Variants in PCDHA7 observed in about 807,000 individuals in gnomAD.
PCDHA7 encodes protocadherin alpha-7.
A neutral mutation model predicts 57.2 loss-of-function variants in PCDHA7; 37 were observed. The observed-to-expected ratio is 0.65, with a 90% confidence interval of 0.50 to 0.85. The LOEUF (loss-of-function observed/expected upper bound fraction) is 0.85, where lower values mean the gene tolerates loss of function less well. Ranked by LOEUF, PCDHA7 falls within the 40% of genes least tolerant of loss-of-function variation. The probability of loss-of-function intolerance (pLI) is 0.00; values close to 1 mark genes in which losing one functional copy is unlikely to be tolerated. For synonymous variants in PCDHA7, 553 were observed against 558.8 expected (o/e 0.99, Z 0.15); for missense variants, 1,188 against 1,241.8 (o/e 0.96, Z 0.65).
At chr5:140,947,304 T>A (rs1370804451) in intron 1 of PCDHA7, among the ~76,000 whole-genome samples, 1 of 151,606 alleles carries the variant, frequency 6.6e-6, no homozygotes, top group Admixed American at 6.6e-5. Flanking sequence ...CTTGACATCT[T>A]TGTAAAAAGT....
intron 1 of PCDHA7, chr5:140,859,483 G>C (rs1554152411): frequency 9.7e-6 from 2 of 206,816 alleles, no homozygotes; most frequent in African/African-American, 4.7e-5. Flanking sequence ...GTGTTTTCCT[G>C]AAATTGGTTG....
chr5:140,955,215 C>A (rs1313314138), intron 1 of PCDHA7, among the ~76,000 whole-genome samples: 1 of 152,148 alleles, frequency 6.6e-6, no homozygotes, highest in Non-Finnish European at 1.5e-5. Flanking sequence ...TAGCATGATG[C>A]CTCCAGCTTT....
intron 1 of PCDHA7, chr5:140,850,085 G>A: frequency 1.3e-6 from 2 of 1,596,624 alleles, no homozygotes; most frequent in Non-Finnish European, 1.7e-6. Flanking sequence ...AGCTGGAGCT[G>A]CTACAGTTCC....
rs571034520 is a variant in PCDHA7 at position 140,922,140 on chromosome 5, A to G, written c.2356-56809A>G. ...CACCTTTAAATGTCTCTTATCCTCC[A>G]TGAAACTCATCAAAAACAACAAAAA... On this transcript the variant is annotated intron_variant, in intron 1 of 3. Coordinates refer to ENST00000525929, the MANE Select transcript of PCDHA7 (RefSeq NM_018910.3). Among the ~76,000 whole-genome samples the G allele has an allele frequency of 6.6e-5, 10 of 152,202 alleles. No individual in the cohort carries two copies. The East Asian group carries it at 1.9e-3, about 29-fold the overall frequency.
chr5:140,973,825 T>A (rs1253333011), intron 1 of PCDHA7, among the ~76,000 whole-genome samples: 5 of 152,246 alleles, frequency 3.3e-5, no homozygotes, highest in Non-Finnish European at 5.9e-5. Context: ...AAGTCAGTTC[T>A]GGGTACTTGC....
chr5:140,928,501 G>A, intron 1 of PCDHA7: 1 of 1,614,184 alleles, frequency 6.2e-7, no homozygotes. Flanking sequence ...TCCCAGAAGT[G>A]CAACAGTGAC....
At chr5:140,975,174 T>C (rs1470598627) in intron 1 of PCDHA7, among the ~76,000 whole-genome samples, 1 of 152,208 alleles carries the variant, frequency 6.6e-6, no homozygotes, top group Non-Finnish European at 1.5e-5. Context: ...GACTCAGGAC[T>C]CTTGTCCCAT....
chr5:140,929,283 G>C lies in PCDHA7; in HGVS notation c.2356-49666G>C, dbSNP rs782178876. On this transcript the variant is annotated intron_variant, in intron 1 of 3. Coordinates refer to ENST00000525929, the MANE Select transcript of PCDHA7 (RefSeq NM_018910.3). ...TGAATTTGCCAATATCCTGTATTCA[G>C]ATTCGGAATAGGAAAGGGGATCACG... 52 of 1,600,904 alleles carry C rather than the reference G, an allele frequency of 3.2e-5. No homozygotes were observed. The African/African-American group carries it at 6.7e-4, about 21-fold the overall frequency.
At chr5:140,943,136 T>A (rs1554215378) in intron 1 of PCDHA7, among the ~76,000 whole-genome samples, 1 of 151,240 alleles carries the variant, frequency 6.6e-6, no homozygotes, top group Non-Finnish European at 1.5e-5. Flanking sequence ...TGGGTGCCTG[T>A]AGTCCCAGCT....
At chr5:140,858,433 G>A in intron 1 of PCDHA7, 3 of 1,545,478 alleles carry the variant, frequency 1.9e-6, no homozygotes, top group Non-Finnish European at 2.6e-6. Flanking sequence ...ACCACTCTAG[G>A]AAGGTGGGTT....
rs534595431 is a variant in PCDHA7 at position 140,908,278 on chromosome 5, TG to T, written c.2356-70670del. On this transcript the variant is annotated intron_variant, in intron 1 of 3. Coordinates refer to ENST00000525929, the MANE Select transcript of PCDHA7 (RefSeq NM_018910.3). Reference sequence around the variant, plus strand: ...CATAGGGAACTCCCCATGAGGCCATTGTTGCAAGCTGGGGAAGAGAAGGAAG... The same window carrying T: ...CATAGGGAACTCCCCATGAGGCCATTTTGCAAGCTGGGGAAGAGAAGGAAG... Among the ~76,000 whole-genome samples the T allele has an allele frequency of 1.3e-3, 196 of 152,290 alleles. 1 individual carries two copies. Among genetic ancestry groups the T allele is most frequent in the African/African-American group, 4.6e-3 (191 of 41,570 alleles).
intron 1 of PCDHA7, among the ~76,000 whole-genome samples, chr5:140,939,247 T>C (rs1413301027): frequency 6.6e-6 from 1 of 152,246 alleles, no homozygotes; most frequent in South Asian, 2.1e-4. Context: ...GCAAGGTAGC[T>C]CTCTGGAACC....
chr5:140,836,034 C>T lies in PCDHA7; in HGVS notation c.1651C>T (p.Leu551=), dbSNP rs2150251193. 2 of 1,613,480 alleles carry T rather than the reference C, an allele frequency of 1.2e-6. No individual in the cohort carries two copies. The highest frequency in any genetic ancestry group is 1.7e-6 in the Non-Finnish European group (2 of 1,179,746). ...GCCGCCTCTGGGCAGCAACGTGACGCTGCAGGTGTTCGTGCTGGACGAGAA... is the reference window on the plus strand; with the variant it reads ...GCCGCCTCTGGGCAGCAACGTGACGTTGCAGGTGTTCGTGCTGGACGAGAA... The part of the protein sequence containing the change: ...GVPPLGSNVT[L]QVFVLDENDN... Residue 551 remains leucine, a synonymous_variant, in exon 1 of 4, where the codon CTG becomes TTG. Coordinates refer to ENST00000525929, the MANE Select transcript of PCDHA7 (RefSeq NM_018910.3).
intron 1 of PCDHA7, chr5:140,843,545 T>C: frequency 2.5e-6 from 4 of 1,595,904 alleles, no homozygotes; most frequent in Non-Finnish European, 3.4e-6. Context: ...TCTGGTGTGC[T>C]CCAGTGCGGT....
At chr5:140,936,987 T>C (rs996790487) in intron 1 of PCDHA7, among the ~76,000 whole-genome samples, 1 of 152,170 alleles carries the variant, frequency 6.6e-6, no homozygotes, top group Non-Finnish European at 1.5e-5. Context: ...CTTGTTAACA[T>C]TGACAATATT....
chr5:140,967,112 C>T (rs1338076103), intron 1 of PCDHA7: 4 of 1,612,876 alleles, frequency 2.5e-6, no homozygotes, highest in East Asian at 2.2e-5. Flanking sequence ...GCAGCGGCCT[C>T]GCTGCCTGCT....
chr5:140,971,902 T>G (rs1554233695), intron 1 of PCDHA7, among the ~76,000 whole-genome samples: 2 of 152,280 alleles, frequency 1.3e-5, no homozygotes, highest in Admixed American at 1.3e-4. Flanking sequence ...GGTTAGGTAA[T>G]CTACACAGCC....
chr5:140,993,270 G>A (rs190721014), intron 3 of PCDHA7, among the ~76,000 whole-genome samples: 360 of 151,912 alleles, frequency 2.4e-3, no homozygotes, highest in African/African-American at 8.3e-3. Context: ...AGCTTCTTTG[G>A]TCTTTTCTTG....
In PCDHA7 at chr5:140,966,434, C is replaced by G. The variant is rs889087342; in HGVS notation, c.2356-12515C>G. 9 of 423,984 alleles carry G rather than the reference C, an allele frequency of 2.1e-5. No individual in the cohort carries two copies. In the Admixed American group the frequency reaches 3.9e-4, roughly 19 times the overall value. The allele number at this position is 423,984 out of a possible 1,614,324, so 26.3% of individuals were successfully genotyped here. On this transcript the variant is annotated intron_variant, in intron 1 of 3. Coordinates refer to ENST00000525929, the MANE Select transcript of PCDHA7 (RefSeq NM_018910.3). ...GAGCAGGACTTGCTGAGCCCTCCTA[C>G]CGCTCCCTTTCCCCCTCCCCCTCTG...
Sources: allele counts gnomAD v4.1 joint callset (sites outside exome capture counted in the v4.1 genomes callset), GRCh38; gene constraint gnomAD v4.1.1; transcripts MANE v1.5; gene names NCBI Gene and HGNC (gene_info 2026-07-23, HGNC 2026-07-21).